The following LUZP2 variants were observed in gnomAD, a reference collection of about 807,000 sequenced individuals.
The protein encoded by LUZP2 is leucine zipper protein 2.
Under a neutral mutation model 51.6 loss-of-function variants are expected in LUZP2, and 52 were observed. That is an observed-to-expected ratio of 1.01 (90% confidence interval 0.81 to 1.27). The LOEUF is 1.27. Among genes scored for constraint, LUZP2 ranks in the 50% most tolerant of loss-of-function variants. The pLI, the probability that LUZP2 is intolerant of heterozygous loss-of-function variation, is 0.00. For synonymous variants in LUZP2, 154 were observed against 137.3 expected (o/e 1.12, Z -0.85); for missense variants, 436 against 395.4 (o/e 1.10, Z -0.87).
At chr11:24,838,412 G>A (rs916092193) in intron 5 of LUZP2, among the ~76,000 whole-genome samples, 2 of 151,558 alleles carry the variant, frequency 1.3e-5, no homozygotes, top group African/African-American at 4.8e-5. Flanking sequence ...ACTTGTCCAT[G>A]ATTATAGATT....
At chr11:24,592,167 C>T (rs766631586) in intron 1 of LUZP2, among the ~76,000 whole-genome samples, 1 of 152,174 alleles carries the variant, frequency 6.6e-6, no homozygotes, top group Non-Finnish European at 1.5e-5. Context: ...ACACTAACTA[C>T]CTTAACTGGG....
chr11:24,598,981 A>G (rs555324998), intron 1 of LUZP2, among the ~76,000 whole-genome samples: 360 of 152,218 alleles, frequency 2.4e-3, no homozygotes, highest in Middle Eastern at 0.017. Flanking sequence ...TTCATTCTCT[A>G]AACCATTCAG....
intron 6 of LUZP2, 35 bp downstream of exon 6, chr11:24,906,088 G>C: frequency 6.7e-7 from 1 of 1,501,178 alleles, no homozygotes; most frequent in South Asian, 1.2e-5. Context: ...GCTTTAACCA[G>C]ATAAAAACAG....
intron 1 of LUZP2, among the ~76,000 whole-genome samples, chr11:24,506,254 GC>G (rs1850143388): frequency 6.6e-6 from 1 of 152,028 alleles, no homozygotes; most frequent in Non-Finnish European, 1.5e-5. Flanking sequence ...CCAATCACTA[GC>G]TTTTTCTTTA....
At chr11:24,633,234 A>G (rs1296856980) in intron 1 of LUZP2, among the ~76,000 whole-genome samples, 1 of 152,004 alleles carries the variant, frequency 6.6e-6, no homozygotes, top group Non-Finnish European at 1.5e-5. Context: ...AAAATATTCC[A>G]TCCAAAAACA....
chr11:24,907,180 T>C (rs1853480065), intron 6 of LUZP2, among the ~76,000 whole-genome samples: 1 of 151,960 alleles, frequency 6.6e-6, no homozygotes, highest in Non-Finnish European at 1.5e-5. Context: ...CTGAGCTAAG[T>C]TGAAGCGAGT....
At chr11:24,841,941 A>G (rs1851044846) in intron 5 of LUZP2, among the ~76,000 whole-genome samples, 1 of 152,114 alleles carries the variant, frequency 6.6e-6, no homozygotes, top group South Asian at 2.1e-4. Context: ...TGTAGCATAT[A>G]AATATTAGCA....
chr11:24,972,349 T>A (rs1404127227), intron 7 of LUZP2, among the ~76,000 whole-genome samples: 1 of 152,078 alleles, frequency 6.6e-6, no homozygotes, highest in Non-Finnish European at 1.5e-5. Context: ...CTGGTACTAC[T>A]CTAAGTATTT....
intron 10 of LUZP2, among the ~76,000 whole-genome samples, 161 bp downstream of exon 10, chr11:25,050,291 CTTTTTTTTTT>C (rs71044331): frequency 1.3e-4 from 10 of 77,200 alleles, no homozygotes; most frequent in East Asian, 4.0e-4. Flanking sequence ...TCTTTATGTT[CTTTTTTTTTT>C]TTTTTTTTTT....
Position 25,018,946 on chromosome 11 carries a change from T to C in LUZP2, c.766-31092T>C, listed in dbSNP as rs188876186. ...AAATGACTTTATTTTTTAGAACAGTTTTAGACTCACAGCAAAATTGAGCAG... is the reference window on the plus strand; with the variant it reads ...AAATGACTTTATTTTTTAGAACAGTCTTAGACTCACAGCAAAATTGAGCAG... On this transcript the variant is annotated intron_variant, in intron 9 of 11. Coordinates refer to ENST00000336930, the MANE Select transcript of LUZP2 (RefSeq NM_001009909.4). Among the ~76,000 whole-genome samples the C allele has an allele frequency of 1.4e-4, 21 of 152,218 alleles. No homozygotes were observed. In the East Asian group the frequency reaches 4.1e-3, roughly 29 times the overall value.
At chr11:24,968,129 C>G (rs1299764738) in intron 7 of LUZP2, among the ~76,000 whole-genome samples, 3 of 152,046 alleles carry the variant, frequency 2.0e-5, no homozygotes, top group Non-Finnish European at 2.9e-5. Flanking sequence ...AGCTAAACCT[C>G]CAAAGATGTG....
intron 9 of LUZP2, among the ~76,000 whole-genome samples, chr11:25,010,814 T>C (rs1856963900): frequency 6.6e-6 from 1 of 151,978 alleles, no homozygotes; most frequent in Non-Finnish European, 1.5e-5. Context: ...ACCATTGCAC[T>C]CCAGCCTGGG....
At chr11:24,608,705 A>T (rs1854018054) in intron 1 of LUZP2, among the ~76,000 whole-genome samples, 1 of 152,178 alleles carries the variant, frequency 6.6e-6, no homozygotes, top group Non-Finnish European at 1.5e-5. Flanking sequence ...TTTTTTGTAT[A>T]CTTTTGTGAA....
intron 5 of LUZP2, among the ~76,000 whole-genome samples, chr11:24,854,902 C>T (rs1851510817): frequency 6.6e-6 from 1 of 152,118 alleles, no homozygotes; most frequent in South Asian, 2.1e-4. Context: ...CGACCCCTTT[C>T]ACTTCCCAGG....
intron 10 of LUZP2, among the ~76,000 whole-genome samples, chr11:25,068,923 T>C (rs906928678): frequency 6.6e-5 from 10 of 151,954 alleles, no homozygotes; most frequent in Non-Finnish European, 1.5e-4. Context: ...TCAAAAAACT[T>C]TATTCATCGC....
intron 1 of LUZP2, among the ~76,000 whole-genome samples, chr11:24,558,372 CT>C (rs1434674590): frequency 1.1e-4 from 13 of 123,530 alleles, no homozygotes; most frequent in Admixed American, 9.9e-4. Context: ...CCTAATAAAT[CT>C]TTTTTGTTTT....
At chr11:25,076,733 CT>C (rs59989545) in intron 10 of LUZP2, among the ~76,000 whole-genome samples, 49,876 of 132,572 alleles carry the variant, frequency 0.38, 11,063 homozygotes, top group East Asian at 0.79. Context: ...AAGTGGAATC[CT>C]TTTTTTTTTT....
intron 7 of LUZP2, among the ~76,000 whole-genome samples, chr11:24,948,095 C>T (rs1221729333): frequency 1.3e-5 from 2 of 151,628 alleles, no homozygotes; most frequent in Non-Finnish European, 3.0e-5. Flanking sequence ...TGAGGCATTG[C>T]TTATTTTTCT....
chr11:24,554,184 ATCT>A (rs1011667920), intron 1 of LUZP2, among the ~76,000 whole-genome samples: 4 of 152,312 alleles, frequency 2.6e-5, no homozygotes, highest in South Asian at 4.1e-4. Flanking sequence ...GAAAACTGAA[ATCT>A]TCTAGGTAGA....
Sources: allele counts gnomAD v4.1 joint callset (sites outside exome capture counted in the v4.1 genomes callset), GRCh38; gene constraint gnomAD v4.1.1; transcripts MANE v1.5; gene names NCBI Gene and HGNC (gene_info 2026-07-23, HGNC 2026-07-21).